SLC12A1: variants seen among roughly 807,000 people sequenced by gnomAD.
The protein encoded by SLC12A1 is Na-K-2Cl cotransporter.
Under a neutral mutation model 130.4 loss-of-function variants are expected in SLC12A1, and 89 were observed. That is an observed-to-expected ratio of 0.68 (90% CI 0.58 to 0.81). The LOEUF is 0.81. SLC12A1 is among the 40% of genes least tolerant of loss of function. The probability of loss-of-function intolerance (pLI) is 0.00; values close to 1 mark genes in which losing one functional copy is unlikely to be tolerated. For synonymous variants in SLC12A1, 499 were observed against 460.0 expected (o/e 1.08, Z -1.09); for missense variants, 1,310 against 1,336.4 (o/e 0.98, Z 0.31).
chr15:48,230,372 C>T (rs1402373289), intron 6 of SLC12A1, 21 bp from the exon 7 acceptor site: 2 of 1,497,956 alleles, frequency 1.3e-6, no homozygotes, highest in Non-Finnish European at 1.9e-6. Flanking sequence ...TCTCTAAGCA[C>T]TTAATAATTT....
At position 48,208,200 on chromosome 15, in the gene SLC12A1, C is replaced by A; in HGVS notation, c.420+61C>A. On this transcript the variant is annotated intron_variant, in intron 2 of 26. Coordinates refer to ENST00000380993, the MANE Select transcript of SLC12A1 (RefSeq NM_000338.3). ...ATTCATAACTTCAGATAATTTCCTT[C>A]TCTTTCATTACACTATGAATGAATG... 3 of 1,459,572 alleles carry A rather than the reference C, an allele frequency of 2.1e-6. No individual in the cohort carries two copies. The South Asian group carries it at 4.1e-5, about 20-fold the overall frequency. 90.4% of individuals were successfully genotyped at this position (1,459,572 alleles called of 1,614,324 possible).
At chr15:48,230,612 A>G (rs1327350749) in intron 7 of SLC12A1, 109 bp downstream of exon 7, 2 of 729,048 alleles carry the variant, frequency 2.7e-6, no homozygotes, top group Non-Finnish European at 4.8e-6. Context: ...ATTACCTGCT[A>G]TGGTGAAATG....
chr15:48,301,197 T>C (rs989775468), intron 25 of SLC12A1, 118 bp from the exon 26 acceptor site: 9 of 758,118 alleles, frequency 1.2e-5, no homozygotes, highest in Non-Finnish European at 2.0e-5. Flanking sequence ...AAAAAGTAAT[T>C]GTAATTTTTA....
chr15:48,252,225 G>A (rs766155868), intron 15 of SLC12A1, among the ~76,000 whole-genome samples: 1 of 149,440 alleles, frequency 6.7e-6, no homozygotes, highest in African/African-American at 2.5e-5. Flanking sequence ...ATAAGAATAA[G>A]AATAACAATA....
intron 2 of SLC12A1, among the ~76,000 whole-genome samples, chr15:48,214,704 T>G (rs2041098201): frequency 6.6e-6 from 1 of 152,160 alleles, no homozygotes; most frequent in Non-Finnish European, 1.5e-5. Context: ...AAATGAAGCT[T>G]AGGAATCATC....
Position 48,244,761 on chromosome 15 carries a change from G to T in SLC12A1, c.1309G>T (p.Val437Leu), listed in dbSNP as rs1567319422. The part of the protein sequence containing the change: ...LGVAICVGAC[V>L]VRDATGNMND... ...CACGGTTGTTTCCACAGGGGCCTGT[G>T]TGGTCCGAGATGCCACCGGGAACAT... Residue 437 changes from valine to leucine, a missense_variant, in exon 11 of 27, where the codon GTG becomes TTG. Coordinates refer to ENST00000380993, the MANE Select transcript of SLC12A1 (RefSeq NM_000338.3). 6.2e-7 allele frequency: 1 copy of T among 1,613,946 alleles called. No homozygotes were observed. The highest frequency in any genetic ancestry group is 8.5e-7 in the Non-Finnish European group (1 of 1,179,864).
At chr15:48,219,096 T>G (rs2041165316) in intron 2 of SLC12A1, among the ~76,000 whole-genome samples, 2 of 152,248 alleles carry the variant, frequency 1.3e-5, no homozygotes, top group African/African-American at 4.8e-5. Flanking sequence ...GTTATGAAAC[T>G]TCTTATCTTC....
chr15:48,215,200 A>C lies in SLC12A1; in HGVS notation c.421-5434A>C, dbSNP rs189890294. Among the ~76,000 whole-genome samples the C allele has an allele frequency of 1.4e-4, 22 of 152,302 alleles. No individual in the cohort carries two copies. The East Asian group carries it at 4.2e-3, about 29-fold the overall frequency. On this transcript the variant is annotated intron_variant, in intron 2 of 26. Transcript: ENST00000380993. ...ATATGTTTCTGGGGTCTGAAAAATC[A>C]CATTACATATTAAATAAAATAATTT...
At chr15:48,229,610 A>G (rs918074265) in intron 6 of SLC12A1, among the ~76,000 whole-genome samples, 12 of 152,242 alleles carry the variant, frequency 7.9e-5, no homozygotes, top group Non-Finnish European at 1.3e-4. Flanking sequence ...GAAGTGTGGC[A>G]CAGATCAAAT....
At chr15:48,252,097 G>T (rs1293653821) in intron 15 of SLC12A1, among the ~76,000 whole-genome samples, 1 of 152,102 alleles carries the variant, frequency 6.6e-6, no homozygotes, top group African/African-American at 2.4e-5. Flanking sequence ...CAGCTACTCA[G>T]GAGGCTGAGG....
At position 48,299,165 on chromosome 15, in the gene SLC12A1, G is replaced by A; in HGVS notation, c.2986G>A (p.Glu996Lys). 2 of 1,604,726 alleles carry A rather than the reference G, an allele frequency of 1.2e-6. No individual in the cohort carries two copies. Among genetic ancestry groups the A allele is most frequent in the Non-Finnish European group, 1.7e-6 (2 of 1,177,160 alleles). Residue 996 changes from glutamate (E) to lysine (K), a missense_variant, in exon 25 of 27, where the codon GAA (glutamate) becomes AAA (lysine). Transcript: ENST00000380993. ...CTGGAAAGTCTTTGAAGAGATGATT[G>A]AACCATATCGTCTCCATGAAAGCTG... ...ESWKVFEEMIEPYRLHESCKD... is the reference protein window; with the variant it reads ...ESWKVFEEMIKPYRLHESCKD...
chr15:48,301,420 A>T, intron 26 of SLC12A1, 38 bp downstream of exon 26: 1 of 1,414,548 alleles, frequency 7.1e-7, no homozygotes, highest in Non-Finnish European at 9.7e-7. Context: ...CATTAGAAAT[A>T]AATCTTAGGG....
chr15:48,294,899 T>TTTTATTTATTTATTTA lies in SLC12A1; in HGVS notation c.2960+3047_2960+3062dup, dbSNP rs6145555. The stretch of plus-strand genomic sequence containing the variant: ...TGAATTATCCACCCACTTCTTTTTA[T>TTTTATTTATTTATTTA]TTTATTTATTTATTTATTTATTTAT... On this transcript the variant is annotated intron_variant, in intron 24 of 26. Transcript: ENST00000380993. 9.4e-3 allele frequency among the ~76,000 whole-genome samples: 1,391 copies of TTTTATTTATTTATTTA among 147,426 alleles called. 32 individuals carry two copies. The highest frequency in any genetic ancestry group is 0.031 in the African/African-American group (1,191 of 38,998).
At chr15:48,255,470 C>T (rs901106179) in intron 15 of SLC12A1, among the ~76,000 whole-genome samples, 14 of 151,568 alleles carry the variant, frequency 9.2e-5, no homozygotes, top group African/African-American at 2.9e-4. Context: ...TTTGTGAAGA[C>T]GCTTTGAATT....
chr15:48,231,826 G>A (rs2041383223), intron 7 of SLC12A1, among the ~76,000 whole-genome samples: 1 of 152,088 alleles, frequency 6.6e-6, no homozygotes, highest in African/African-American at 2.4e-5. Context: ...GGCCAGCCTG[G>A]CCAACATGGT....
rs550074950 is a variant in SLC12A1, at chr15:48,273,734, A to G, written c.2403-837A>G. Among the ~76,000 whole-genome samples the G allele has an allele frequency of 4.6e-5, 7 of 152,286 alleles. No homozygotes were observed. In the East Asian group the frequency reaches 1.4e-3, roughly 29 times the overall value. On this transcript the variant is annotated intron_variant, in intron 19 of 26. Coordinates refer to ENST00000380993, the MANE Select transcript of SLC12A1 (RefSeq NM_000338.3). ...TTATGTATACCAAATGAAAATTCAG[A>G]CTTACCTAGGCCATTGGAAACCGTT... is the stretch of plus-strand genomic sequence containing the variant.
At chr15:48,224,675 T>A (rs1385215) in intron 4 of SLC12A1, 1 of 152,182 alleles carries the variant, frequency 6.6e-6, no homozygotes, top group East Asian at 1.9e-4. Context: ...AGACATCACT[T>A]TCTGGTAGAG....
chr15:48,299,395 G>A (rs1251944277), intron 25 of SLC12A1, 120 bp downstream of exon 25: 1 of 927,946 alleles, frequency 1.1e-6, no homozygotes, highest in Non-Finnish European at 1.5e-6. Context: ...CAAGATCCAA[G>A]CTTTCTGCAT....
intron 20 of SLC12A1, among the ~76,000 whole-genome samples, chr15:48,274,953 G>A (rs1165634941): frequency 2.6e-5 from 4 of 152,154 alleles, no homozygotes; most frequent in Non-Finnish European, 5.9e-5. Context: ...AAAATAACCT[G>A]CCAAATTAAT....
Sources: gnomAD v4.1 joint callset for allele counts (sites outside exome capture counted in the v4.1 genomes callset) on GRCh38, gnomAD v4.1.1 for gene constraint, MANE v1.5 for transcripts, NCBI Gene and HGNC (gene_info 2026-07-23, HGNC 2026-07-21) for gene names.